The following SH3GL2 variants were observed in gnomAD, a reference collection of about 807,000 sequenced individuals.
The protein encoded by SH3GL2 is endophilin-A1.
Under a neutral mutation model 46.0 loss-of-function variants are expected in SH3GL2, and 24 were observed. The observed-to-expected ratio is 0.52, with a 90% CI of 0.38 to 0.73. The LOEUF is 0.73. SH3GL2 is among the 30% of genes least tolerant of loss of function. The pLI is 0.00. For synonymous variants in SH3GL2, 196 were observed against 147.1 expected, an observed-to-expected ratio of 1.33 and a Z score of -2.40; for missense variants, 413 against 424.2, an observed-to-expected ratio of 0.97 and a Z score of 0.23.
intron 1 of SH3GL2, among the ~76,000 whole-genome samples, chr9:17,585,057 G>A (rs2134537366): frequency 6.6e-6 from 1 of 152,302 alleles, no homozygotes; most frequent in South Asian, 2.1e-4. Flanking sequence ...TGTCATTGTG[G>A]AAGGGAGAGG....
chr9:17,711,416 C>T (rs1188784479), intron 1 of SH3GL2, among the ~76,000 whole-genome samples: 2 of 151,762 alleles, frequency 1.3e-5, no homozygotes, highest in Non-Finnish European at 2.9e-5. Flanking sequence ...ATCCAGAAAG[C>T]GAACAGAATC....
chr9:17,602,564 C>A (rs1312799975), intron 1 of SH3GL2, among the ~76,000 whole-genome samples: 1 of 152,094 alleles, frequency 6.6e-6, no homozygotes, highest in African/African-American at 2.4e-5. Context: ...GACTCTTGAC[C>A]CCTCAAATGA....
chr9:17,726,898 A>T (rs1040128715), intron 1 of SH3GL2, among the ~76,000 whole-genome samples: 5 of 152,192 alleles, frequency 3.3e-5, no homozygotes, highest in African/African-American at 4.8e-5. Flanking sequence ...TGCAGCAGTA[A>T]CAAAATAGGT....
chr9:17,704,204 G>T (rs1390188119), intron 1 of SH3GL2, among the ~76,000 whole-genome samples: 1 of 151,832 alleles, frequency 6.6e-6, no homozygotes, highest in African/African-American at 2.4e-5. Context: ...GCCACAAAAA[G>T]AATAAAACAA....
At chr9:17,626,523 G>A (rs1008424658) in intron 1 of SH3GL2, among the ~76,000 whole-genome samples, 1 of 152,164 alleles carries the variant, frequency 6.6e-6, no homozygotes, top group Non-Finnish European at 1.5e-5. Flanking sequence ...TAAAATGGCA[G>A]TAATGATTTT....
At chr9:17,698,999 C>CA (rs1231024679) in intron 1 of SH3GL2, among the ~76,000 whole-genome samples, 2 of 151,590 alleles carry the variant, frequency 1.3e-5, no homozygotes, top group Admixed American at 1.3e-4. Flanking sequence ...TACTAAAATA[C>CA]AAAAAACTAG....
intron 1 of SH3GL2, among the ~76,000 whole-genome samples, chr9:17,685,331 G>C (rs76482613): frequency 0.028 from 4,331 of 152,094 alleles, 191 homozygotes; most frequent in African/African-American, 0.1. Context: ...ATTAATTCTT[G>C]CTTTTGAGGA....
At chr9:17,738,267 G>A (rs1822399603) in intron 1 of SH3GL2, among the ~76,000 whole-genome samples, 1 of 151,544 alleles carries the variant, frequency 6.6e-6, no homozygotes, top group South Asian at 2.1e-4. Flanking sequence ...AATGGAACTT[G>A]CACCAAAATA....
chr9:17,784,095 C>T lies in SH3GL2; in HGVS notation c.188-2286C>T, dbSNP rs375876397. Among the ~76,000 whole-genome samples, 5 of 152,068 alleles carry T rather than the reference C, an allele frequency of 3.3e-5. No individual in the cohort carries two copies. In the East Asian group the frequency reaches 5.8e-4, roughly 18 times the overall value. On this transcript the variant is annotated intron_variant, in intron 3 of 8. Coordinates refer to ENST00000380607, the MANE Select transcript of SH3GL2 (RefSeq NM_003026.5). ...ATAAATTTGTGAATGAACTTAAAAG[C>T]TAGTCTCTTCAGATATGTGAATTAG...
chr9:17,632,930 C>T (rs540134823), intron 1 of SH3GL2, among the ~76,000 whole-genome samples: 2 of 152,272 alleles, frequency 1.3e-5, no homozygotes, highest in East Asian at 1.9e-4. Flanking sequence ...ATTGCTGAAA[C>T]AAGTTTTATG....
chr9:17,756,035 G>T (rs1382845282), intron 2 of SH3GL2, among the ~76,000 whole-genome samples: 1 of 151,844 alleles, frequency 6.6e-6, no homozygotes, highest in Non-Finnish European at 1.5e-5. Flanking sequence ...AGGTTTTTGG[G>T]GCCAGAGGGT....
intron 1 of SH3GL2, among the ~76,000 whole-genome samples, chr9:17,672,723 G>T (rs1427486436): frequency 6.6e-6 from 1 of 152,020 alleles, no homozygotes; most frequent in East Asian, 1.9e-4. Flanking sequence ...TCATCAGACC[G>T]TGTAAATAAC....
chr9:17,796,416 A>T lies in SH3GL2; in HGVS notation c.*673A>T, dbSNP rs1049481344. On this transcript the variant is annotated 3_prime_UTR_variant, in exon 9 of 9. Coordinates refer to ENST00000380607, the MANE Select transcript of SH3GL2 (RefSeq NM_003026.5). ...CAAATTATTTTTCAGTAAGACAGTTAATCAGCATTATTGTGAGAGGGACTG... is the reference window on the plus strand; with the variant it reads ...CAAATTATTTTTCAGTAAGACAGTTTATCAGCATTATTGTGAGAGGGACTG... 6.6e-6 allele frequency: 1 copy of T among 152,368 alleles called. No homozygotes were observed. The highest frequency in any genetic ancestry group is 2.4e-5 in the African/African-American group (1 of 41,460). The allele number at this position is 152,368 out of a possible 1,614,324, so 9.4% of individuals were successfully genotyped here.
chr9:17,628,596 C>G (rs1412326833), intron 1 of SH3GL2, among the ~76,000 whole-genome samples: 1 of 152,134 alleles, frequency 6.6e-6, no homozygotes, highest in Non-Finnish European at 1.5e-5. Flanking sequence ...ACATTTAGAG[C>G]TAGATGCCTT....
At chr9:17,786,057 C>T (rs1316996311) in intron 3 of SH3GL2, among the ~76,000 whole-genome samples, 2 of 152,114 alleles carry the variant, frequency 1.3e-5, no homozygotes, top group Admixed American at 6.5e-5. Context: ...CACCCAGCTC[C>T]ACAGAGTCAC....
At chr9:17,728,523 A>G (rs767510494) in intron 1 of SH3GL2, among the ~76,000 whole-genome samples, 7 of 152,084 alleles carry the variant, frequency 4.6e-5, no homozygotes, top group Non-Finnish European at 1.0e-4. Flanking sequence ...CATGTGCAGA[A>G]CGTGCAGGTT....
At chr9:17,695,219 ATATCT>A (rs1441639249) in intron 1 of SH3GL2, among the ~76,000 whole-genome samples, 3 of 152,128 alleles carry the variant, frequency 2.0e-5, no homozygotes, top group African/African-American at 7.2e-5. Context: ...ATAAGATGAA[ATATCT>A]TATCAAGATA....
intron 3 of SH3GL2, among the ~76,000 whole-genome samples, chr9:17,773,055 T>C (rs1230196463): frequency 6.6e-6 from 1 of 152,152 alleles, no homozygotes; most frequent in African/African-American, 2.4e-5. Context: ...TATCTCATTG[T>C]AGTTTTGATT....
At chr9:17,658,428 G>C (rs1235371821) in intron 1 of SH3GL2, among the ~76,000 whole-genome samples, 1 of 152,148 alleles carries the variant, frequency 6.6e-6, no homozygotes, top group African/African-American at 2.4e-5. Context: ...TATTTCATCT[G>C]AATTCTGCTG....
Sources: gnomAD v4.1 joint callset for allele counts (sites outside exome capture counted in the v4.1 genomes callset) on GRCh38, gnomAD v4.1.1 for gene constraint, MANE v1.5 for transcripts, NCBI Gene and HGNC (gene_info 2026-07-23, HGNC 2026-07-21) for gene names.